Variants in NEMF observed in about 807,000 individuals in gnomAD.
The protein encoded by NEMF is nuclear export mediator factor.
A neutral mutation model predicts 162.2 loss-of-function variants in NEMF; 89 were observed. That is an observed-to-expected ratio of 0.55 (90% CI 0.46 to 0.65). NEMF has a LOEUF of 0.65. Ranked by LOEUF, NEMF falls within the 30% of genes least tolerant of loss-of-function variation. NEMF has a pLI of 0.00. For missense variants in NEMF, 1,133 were observed against 1,261.9 expected, an observed-to-expected ratio of 0.90 and a Z score of 1.55; for synonymous variants, 421 against 404.5, an observed-to-expected ratio of 1.04 and a Z score of -0.49.
chr14:49,810,222 G>A (rs555884523), intron 18 of NEMF, among the ~76,000 whole-genome samples: 9 of 151,734 alleles, frequency 5.9e-5, no homozygotes, highest in Admixed American at 1.3e-4. Context: ...CAAAAAATTA[G>A]CCGGGCGTGG....
chr14:49,800,736 A>G (rs1321263818), intron 22 of NEMF, 40 bp from the exon 23 acceptor site: 4 of 1,562,572 alleles, frequency 2.6e-6, no homozygotes, highest in Non-Finnish European at 3.5e-6. Flanking sequence ...TGGGACTACC[A>G]ACCAAGCCAG....
chr14:49,829,898 C>T (rs749753698), intron 11 of NEMF, among the ~76,000 whole-genome samples: 1 of 152,100 alleles, frequency 6.6e-6, no homozygotes, highest in East Asian at 1.9e-4. Context: ...AGCCACTGCA[C>T]CTGGCAGGGA....
At position 49,802,835 on chromosome 14, in the gene NEMF, T is replaced by C. The variant is rs1891019052; in HGVS notation, c.1916-108A>G. 3.9e-6 allele frequency: 3 copies of C among 761,968 alleles called. No individual in the cohort carries two copies. The South Asian group carries it at 5.2e-5, about 13-fold the overall frequency. The allele number at this position is 761,968 out of a possible 1,614,324, so 47.2% of individuals were successfully genotyped here. On this transcript the variant is annotated intron_variant, in intron 20 of 32. Transcript: ENST00000298310. ...GATGACACTAATGGTCATATCCATT[T>C]TGTCTTTTACTATGTCAAGAATAAC...
chr14:49,835,536 T>C (rs755636376), intron 6 of NEMF, among the ~76,000 whole-genome samples: 25 of 152,290 alleles, frequency 1.6e-4, no homozygotes, highest in Admixed American at 2.6e-4. Flanking sequence ...AGGACACCTA[T>C]GAAAAACCTA....
rs528748900 is a variant in NEMF at position 49,818,760 on chromosome 14, C to T, written c.1578-3903G>A. Reference sequence around the variant, plus strand: ...AATTATGGATCCTAAGACTCTCAGCCTATTATTTCCACTGGGCTCCCCAAA... The same window carrying T: ...AATTATGGATCCTAAGACTCTCAGCTTATTATTTCCACTGGGCTCCCCAAA... On this transcript the variant is annotated intron_variant, in intron 16 of 32. Coordinates refer to ENST00000298310, the MANE Select transcript of NEMF (RefSeq NM_004713.6). Among the ~76,000 whole-genome samples the T allele has an allele frequency of 2.0e-5, 3 of 152,024 alleles. No homozygotes were observed. The South Asian group carries it at 6.2e-4, about 32-fold the overall frequency.
At position 49,789,184 on chromosome 14, in the gene NEMF, A is replaced by C. The variant is rs754215594; in HGVS notation, c.2857T>G (p.Leu953Val). The change falls in exon 28 of 33, where the codon TTA becomes GTA. Residue 953 changes from leucine (L) to valine (V), a missense_variant. Leu to Val is a conservative substitution (Grantham distance 32). Transcript: ENST00000298310. ...TPFLEVITHE[L>V]QDFAVDDPHD... is the part of the protein sequence containing the mutation. ...GGATCATCTACAGCAAAGTCTTGTA[A>C]CTCATGAGTTATAACCTCAAGGAAC... The C allele has an allele frequency of 6.2e-7, 1 of 1,614,080 alleles. No individual in the cohort carries two copies. Among genetic ancestry groups the C allele is most frequent in the Non-Finnish European group, 8.5e-7 (1 of 1,179,998 alleles).
chr14:49,813,902 C>CCCTCTATT (rs1330666827), intron 18 of NEMF, 86 bp downstream of exon 18: 2 of 778,818 alleles, frequency 2.6e-6, no homozygotes, highest in African/African-American at 3.5e-5. Context: ...CCACATCTGG[C>CCCTCTATT]CCTCTATTAA....
At chr14:49,818,509 AG>A (rs1173394017) in intron 16 of NEMF, 1 of 152,220 alleles carries the variant, frequency 6.6e-6, no homozygotes, top group Non-Finnish European at 1.5e-5. Flanking sequence ...TAAGGAAATA[AG>A]AGTTTAAGAT....
intron 26 of NEMF, among the ~76,000 whole-genome samples, chr14:49,790,677 T>C (rs1401571728): frequency 6.6e-6 from 1 of 152,010 alleles, no homozygotes; most frequent in Non-Finnish European, 1.5e-5. Context: ...TGAACAGAAA[T>C]GCATACTTAG....
chr14:49,797,903 T>C (rs970697093), intron 25 of NEMF, among the ~76,000 whole-genome samples: 2 of 152,220 alleles, frequency 1.3e-5, no homozygotes, highest in African/African-American at 4.8e-5. Flanking sequence ...AGTTTACATG[T>C]TCTCCCCATG....
chr14:49,785,155 G>A lies in NEMF; in HGVS notation c.3030-20C>T. The A allele has an allele frequency of 1.3e-6, 2 of 1,599,358 alleles. No individual in the cohort carries two copies. The highest frequency in any genetic ancestry group is 4.5e-5 in the East Asian group (2 of 44,780). ...TTATATCTTTAAAAAGGAATTACAT[G>A]TGTTACTAAATAGACGTTACAAAAC... is the stretch of plus-strand genomic sequence containing the variant. On this transcript the variant is annotated intron_variant, in intron 30 of 32. Transcript: ENST00000298310.
chr14:49,820,930 G>A (rs1284389418), intron 16 of NEMF, among the ~76,000 whole-genome samples: 5 of 151,494 alleles, frequency 3.3e-5, no homozygotes, highest in East Asian at 3.9e-4. Context: ...CTCCCCACCT[G>A]GGAAGTGAGG....
chr14:49,808,001 T>C (rs1268713576), intron 18 of NEMF, among the ~76,000 whole-genome samples: 1 of 152,144 alleles, frequency 6.6e-6, no homozygotes, highest in African/African-American at 2.4e-5. Flanking sequence ...TGCAGAAATA[T>C]CCATTCAAAT....
intron 16 of NEMF, 147 bp from the exon 17 acceptor site, chr14:49,815,004 C>T (rs36088543): frequency 0.018 from 10,392 of 578,082 alleles, 146 homozygotes; most frequent in Non-Finnish European, 0.021. Flanking sequence ...TTACTAAAAA[C>T]CTATAATACA....
At chr14:49,850,862 C>T (rs3100889) in intron 3 of NEMF, among the ~76,000 whole-genome samples, 147,569 of 152,238 alleles carry the variant, frequency 0.97, 71,706 homozygotes, top group East Asian at 1. Flanking sequence ...ATTTAGAAAT[C>T]AGGAAACCAT....
In NEMF at chr14:49,800,644, C is replaced by T. The variant is rs1890910426; in HGVS notation, c.2148G>A (p.Val716=). The T allele has an allele frequency of 6.2e-7, 1 of 1,613,808 alleles. No homozygotes were observed. Among genetic ancestry groups the T allele is most frequent in the Admixed American group, 1.7e-5 (1 of 59,990 alleles). ...CAACCTGAGTCATGAGTTCTACTTCCACAGGAGTTTCATGTTCTTCTTTAT... is the reference window on the plus strand; with the variant it reads ...CAACCTGAGTCATGAGTTCTACTTCTACAGGAGTTTCATGTTCTTCTTTAT... The part of the protein sequence containing the change: ...DEDKEEHETP[V]EVELMTQVDQ... Residue 716 remains valine (V), a synonymous_variant, in exon 23 of 33, where the codon GTG becomes GTA. Transcript: ENST00000298310.
intron 7 of NEMF, among the ~76,000 whole-genome samples, chr14:49,833,874 T>C (rs1418115036): frequency 6.6e-6 from 1 of 152,200 alleles, no homozygotes; most frequent in African/African-American, 2.4e-5. Context: ...CAGACAGTAA[T>C]AAATCATTAC....
chr14:49,839,757 A>G (rs538001559), intron 5 of NEMF: 1 of 152,364 alleles, frequency 6.6e-6, no homozygotes, highest in East Asian at 1.9e-4. Context: ...TACTAAAATT[A>G]GAACGAAACA....
intron 26 of NEMF, among the ~76,000 whole-genome samples, chr14:49,793,991 C>T (rs765214553): frequency 5.9e-5 from 9 of 151,762 alleles, no homozygotes; most frequent in South Asian, 2.1e-4. Context: ...ACTGTGGTAC[C>T]GTTTTCACAT....
Sources: allele counts gnomAD v4.1 joint callset (sites outside exome capture counted in the v4.1 genomes callset), GRCh38; gene constraint gnomAD v4.1.1; transcripts MANE v1.5; gene names NCBI Gene and HGNC (gene_info 2026-07-23, HGNC 2026-07-21).